The following DLGAP1 variants were observed in gnomAD, a reference collection of about 807,000 sequenced individuals.
The protein encoded by DLGAP1 is DLG associated protein 1, also known as disks large-associated protein 1.
Under a neutral mutation model 90.8 loss-of-function variants are expected in DLGAP1, and 11 were observed. The ratio of observed to expected loss-of-function variants is 0.12; its 90% CI spans 0.08 to 0.20. The LOEUF is 0.20. DLGAP1 is among the 10% of genes least tolerant of loss of function. The pLI is 1.00. For synonymous variants in DLGAP1, 558 were observed against 540.7 expected (o/e 1.03, Z -0.44); for missense variants, 1,050 against 1,333.8 (o/e 0.79, Z 3.31).
chr18:3,598,640 G>A (rs1009160743), intron 7 of DLGAP1, among the ~76,000 whole-genome samples: 2 of 151,746 alleles, frequency 1.3e-5, no homozygotes, highest in Admixed American at 6.6e-5. Context: ...GCTAATTTTT[G>A]TATTTTTAGT....
intron 5 of DLGAP1, among the ~76,000 whole-genome samples, chr18:3,746,493 T>C (rs2063275720): frequency 6.6e-6 from 1 of 152,170 alleles, no homozygotes; most frequent in African/African-American, 2.4e-5. Context: ...AAACTTTTGT[T>C]CAGCCAAAGA....
At chr18:3,537,790 T>C (rs1468521627) in intron 9 of DLGAP1, among the ~76,000 whole-genome samples, 2 of 152,216 alleles carry the variant, frequency 1.3e-5, no homozygotes, top group African/African-American at 4.8e-5. Flanking sequence ...TTCTGTTTTT[T>C]GACAGAATGT....
chr18:4,414,384 ATATAAAT>A (rs1332509377), intron 1 of DLGAP1, among the ~76,000 whole-genome samples: 1 of 152,216 alleles, frequency 6.6e-6, no homozygotes, highest in Non-Finnish European at 1.5e-5. Context: ...GATGCTTAGC[ATATAAAT>A]AAGCAATGTC....
intron 3 of DLGAP1, among the ~76,000 whole-genome samples, chr18:4,001,491 T>C (rs115820085): frequency 4.3e-4 from 66 of 152,308 alleles, no homozygotes; most frequent in African/African-American, 1.5e-3. Context: ...TATTAATGTT[T>C]AAGTGAGATG....
intron 2 of DLGAP1, among the ~76,000 whole-genome samples, chr18:4,066,729 G>T (rs895136308): frequency 1.3e-5 from 2 of 151,984 alleles, no homozygotes; most frequent in Non-Finnish European, 2.9e-5. Context: ...CTGTTGGGGG[G>T]GTGTAAATTA....
chr18:4,346,091 G>A (rs892569827), intron 1 of DLGAP1, among the ~76,000 whole-genome samples: 2 of 152,190 alleles, frequency 1.3e-5, no homozygotes, highest in African/African-American at 4.8e-5. Context: ...AGGCAAGTCT[G>A]TTAATGGAGC....
chr18:4,325,398 T>C (rs897153240), intron 1 of DLGAP1, among the ~76,000 whole-genome samples: 3 of 152,140 alleles, frequency 2.0e-5, no homozygotes, highest in African/African-American at 4.8e-5. Flanking sequence ...TGCTAATGGA[T>C]AGGAAGAATC....
rs78723871 is a variant in DLGAP1 at position 4,123,277 on chromosome 18, G to C, written c.-159+27903C>G. On this transcript the variant is annotated intron_variant, in intron 2 of 12. Transcript: ENST00000315677. ...CCAGTTCACTTCCTGCATTCCAGGT[G>C]CAGGAAAGGAGAAAGGGGGATCAGT... 3.1e-3 allele frequency among the ~76,000 whole-genome samples: 479 copies of C among 152,150 alleles called. 3 individuals are homozygous for C. Among genetic ancestry groups the C allele is most frequent in the African/African-American group, 0.01 (429 of 41,508 alleles).
At chr18:3,627,811 T>C (rs1222112665) in intron 7 of DLGAP1, among the ~76,000 whole-genome samples, 2 of 151,728 alleles carry the variant, frequency 1.3e-5, no homozygotes, top group African/African-American at 4.8e-5. Flanking sequence ...CCCATCTAAT[T>C]AATCCCTCCG....
intron 1 of DLGAP1, among the ~76,000 whole-genome samples, chr18:4,313,636 CT>C (rs1292133791): frequency 2.6e-5 from 4 of 152,120 alleles, no homozygotes; most frequent in Admixed American, 6.6e-5. Context: ...TAGGCTCTGG[CT>C]TAGCAGCATT....
At chr18:4,196,224 A>G (rs1183313468) in intron 1 of DLGAP1, among the ~76,000 whole-genome samples, 1 of 152,194 alleles carries the variant, frequency 6.6e-6, no homozygotes, top group Non-Finnish European at 1.5e-5. Context: ...AGAGCTCACT[A>G]AAGTATAAAT....
At chr18:3,843,054 T>C (rs2068809139) in intron 4 of DLGAP1, among the ~76,000 whole-genome samples, 1 of 152,190 alleles carries the variant, frequency 6.6e-6, no homozygotes, top group South Asian at 2.1e-4. Flanking sequence ...GTGGGCCATC[T>C]GTACTGATGC....
intron 4 of DLGAP1, among the ~76,000 whole-genome samples, chr18:3,820,980 G>C (rs769483694): frequency 2.5e-4 from 38 of 152,178 alleles, no homozygotes; most frequent in Non-Finnish European, 4.1e-4. Flanking sequence ...CCATCTTACT[G>C]CTTCAAAATT....
chr18:4,119,641 G>C (rs1225596466), intron 2 of DLGAP1, among the ~76,000 whole-genome samples: 1 of 152,076 alleles, frequency 6.6e-6, no homozygotes, highest in Non-Finnish European at 1.5e-5. Flanking sequence ...CTAGAATCAG[G>C]GCTCCAGACT....
intron 3 of DLGAP1, among the ~76,000 whole-genome samples, chr18:3,893,053 C>T (rs2071518240): frequency 6.6e-6 from 1 of 151,926 alleles, no homozygotes; most frequent in African/African-American, 2.4e-5. Flanking sequence ...TCATCCCTCA[C>T]CACCCTCCCA....
chr18:4,169,358 AAAGTT>A (rs550696991), intron 1 of DLGAP1, among the ~76,000 whole-genome samples: 9 of 152,332 alleles, frequency 5.9e-5, no homozygotes, highest in Non-Finnish European at 1.2e-4. Flanking sequence ...AATTTTTGAA[AAAGTT>A]AAGTGTGAAA....
At chr18:3,702,197 G>A (rs55815210) in intron 7 of DLGAP1, among the ~76,000 whole-genome samples, 15,539 of 152,144 alleles carry the variant, frequency 0.1, 973 homozygotes, top group Non-Finnish European at 0.13. Flanking sequence ...GATTACAGGC[G>A]TCTGCCACCA....
chr18:3,746,732 A>G (rs929814768), intron 5 of DLGAP1, among the ~76,000 whole-genome samples: 5 of 152,196 alleles, frequency 3.3e-5, no homozygotes, highest in African/African-American at 1.2e-4. Context: ...AAAATGCTCG[A>G]TCTCACTAGT....
At chr18:4,281,637 G>GT (rs1186491230) in intron 1 of DLGAP1, among the ~76,000 whole-genome samples, 3 of 152,156 alleles carry the variant, frequency 2.0e-5, no homozygotes, top group Non-Finnish European at 4.4e-5. Context: ...TGCAGCAGTT[G>GT]TTTTCTATTG....
Sources: allele counts gnomAD v4.1 joint callset (sites outside exome capture counted in the v4.1 genomes callset), GRCh38; gene constraint gnomAD v4.1.1; transcripts MANE v1.5; gene names NCBI Gene and HGNC (gene_info 2026-07-23, HGNC 2026-07-21).